Variants in GRIK2 observed in about 807,000 individuals in gnomAD.
GRIK2 encodes glutamate receptor ionotropic, kainate 2.
A neutral mutation model predicts 100.3 loss-of-function variants in GRIK2; 32 were observed. The ratio of observed to expected loss-of-function variants is 0.32; its 90% confidence interval spans 0.24 to 0.43. GRIK2 has a LOEUF of 0.43. Among genes scored for constraint, GRIK2 ranks in the 20% least tolerant of loss-of-function variants. The pLI is 1.00. For synonymous variants in GRIK2, 417 were observed against 389.4 expected, an observed-to-expected ratio of 1.07 and a Z score of -0.83; for missense variants, 843 against 1,114.9, an observed-to-expected ratio of 0.76 and a Z score of 3.47.
At chr6:102,015,902 G>T (rs1443800149) in intron 14 of GRIK2, among the ~76,000 whole-genome samples, 1 of 152,016 alleles carries the variant, frequency 6.6e-6, no homozygotes, top group Non-Finnish European at 1.5e-5. Flanking sequence ...CTGAGCCTTG[G>T]CACCCTTAAA....
At chr6:101,570,643 C>T (rs1296603823) in intron 2 of GRIK2, among the ~76,000 whole-genome samples, 2 of 152,096 alleles carry the variant, frequency 1.3e-5, no homozygotes, top group African/African-American at 4.8e-5. Flanking sequence ...TCGATAGAAC[C>T]ACTAATTTGA....
intron 12 of GRIK2, among the ~76,000 whole-genome samples, chr6:101,904,586 G>A (rs1354222081): frequency 6.6e-6 from 1 of 151,292 alleles, no homozygotes; most frequent in Non-Finnish European, 1.5e-5. Context: ...ATAATCATTG[G>A]ATACTTAAGA....
chr6:101,501,411 T>A (rs1272358148), intron 2 of GRIK2, among the ~76,000 whole-genome samples: 1 of 152,190 alleles, frequency 6.6e-6, no homozygotes, highest in African/African-American at 2.4e-5. Context: ...ATAGTAAACA[T>A]TTTTTTGTCA....
intron 12 of GRIK2, among the ~76,000 whole-genome samples, chr6:101,919,621 G>A (rs761033053): frequency 9.9e-5 from 15 of 151,814 alleles, no homozygotes; most frequent in Non-Finnish European, 1.8e-4. Context: ...CATCAGTATA[G>A]AAGTTAAAGT....
chr6:101,640,346 G>A (rs1781226491), intron 4 of GRIK2, among the ~76,000 whole-genome samples: 1 of 152,180 alleles, frequency 6.6e-6, no homozygotes, highest in African/African-American at 2.4e-5. Flanking sequence ...CTGTGGCCAA[G>A]AGGATTGCTT....
chr6:101,745,775 A>T (rs1002944476), intron 7 of GRIK2, among the ~76,000 whole-genome samples: 2 of 152,134 alleles, frequency 1.3e-5, no homozygotes, highest in African/African-American at 4.8e-5. Flanking sequence ...CCTCATCAGG[A>T]TCATTTAATA....
chr6:102,000,681 A>G (rs1342442101), intron 14 of GRIK2, among the ~76,000 whole-genome samples: 1 of 152,062 alleles, frequency 6.6e-6, no homozygotes, highest in African/African-American at 2.4e-5. Context: ...GTTTTTTACA[A>G]TGTTGCCTTA....
At chr6:101,799,613 A>G in intron 7 of GRIK2, 35 bp from the exon 8 acceptor site, 1 of 1,573,718 alleles carries the variant, frequency 6.4e-7, no homozygotes, top group Non-Finnish European at 8.7e-7. Flanking sequence ...TACAAGTTAT[A>G]TTGACTATAA....
chr6:101,997,741 C>T (rs556345728), intron 14 of GRIK2, among the ~76,000 whole-genome samples: 1 of 151,854 alleles, frequency 6.6e-6, no homozygotes, highest in South Asian at 2.1e-4. Flanking sequence ...GTCTTAATTA[C>T]ATTCTATTGA....
intron 14 of GRIK2, among the ~76,000 whole-genome samples, chr6:101,938,352 T>A (rs911088560): frequency 1.3e-5 from 2 of 152,146 alleles, no homozygotes; most frequent in African/African-American, 4.8e-5. Context: ...CTGTTTATTT[T>A]ACATTCTTCC....
intron 10 of GRIK2, among the ~76,000 whole-genome samples, chr6:101,827,948 A>G (rs1782443759): frequency 6.6e-6 from 1 of 152,022 alleles, no homozygotes; most frequent in Non-Finnish European, 1.5e-5. Context: ...CAGCTACAGA[A>G]TCTTCCATCC....
At chr6:101,860,602 G>T (rs534467613) in intron 11 of GRIK2, among the ~76,000 whole-genome samples, 62 of 152,130 alleles carry the variant, frequency 4.1e-4, no homozygotes, top group Non-Finnish European at 6.5e-4. Context: ...GCCATTCAAT[G>T]GTCGTGGTCT....
chr6:101,590,193 A>G lies in GRIK2; in HGVS notation c.116-31756A>G, dbSNP rs555927460. Among the ~76,000 whole-genome samples the G allele has an allele frequency of 4.3e-4, 66 of 152,202 alleles. 1 individual carries two copies. The highest frequency in any genetic ancestry group is 1.6e-3 in the African/African-American group (65 of 41,560). On this transcript the variant is annotated intron_variant, in intron 2 of 16. Transcript: ENST00000369134. ...AGTTAATTCTGTGATGGACTGTACCAGTTATCTGCTTATGGCATCTCAGCT... is the reference window on the plus strand; with the variant it reads ...AGTTAATTCTGTGATGGACTGTACCGGTTATCTGCTTATGGCATCTCAGCT...
At chr6:101,541,377 CACACACACACACACACA>C (rs1775980892) in intron 2 of GRIK2, among the ~76,000 whole-genome samples, 2 of 145,340 alleles carry the variant, frequency 1.4e-5, no homozygotes, top group Middle Eastern at 3.5e-3. Flanking sequence ...CGCACACAAC[CACACACACACACACACA>C]CACACACACA....
chr6:101,726,408 T>C (rs1774869753), intron 7 of GRIK2, among the ~76,000 whole-genome samples: 1 of 152,020 alleles, frequency 6.6e-6, no homozygotes, highest in Admixed American at 6.6e-5. Context: ...GAACTTAATA[T>C]ATAATGTCTT....
At chr6:101,543,849 T>C (rs1776113368) in intron 2 of GRIK2, among the ~76,000 whole-genome samples, 1 of 152,172 alleles carries the variant, frequency 6.6e-6, no homozygotes, top group Non-Finnish European at 1.5e-5. Context: ...ATCCAAACAA[T>C]AAATTGTCAA....
chr6:101,811,212 T>C (rs2128418586), intron 9 of GRIK2, among the ~76,000 whole-genome samples: 1 of 152,078 alleles, frequency 6.6e-6, no homozygotes, highest in East Asian at 1.9e-4. Flanking sequence ...GCTAAGACTG[T>C]TGGAAACCCA....
intron 12 of GRIK2, among the ~76,000 whole-genome samples, chr6:101,919,019 A>G (rs2791794): frequency 0.94 from 142,200 of 151,738 alleles, 66,669 homozygotes; most frequent in Middle Eastern, 0.97. Context: ...TTTTCACTTA[A>G]TAGAAACAGC....
intron 10 of GRIK2, among the ~76,000 whole-genome samples, chr6:101,841,716 A>T (rs1783516849): frequency 6.6e-6 from 1 of 152,176 alleles, no homozygotes; most frequent in Non-Finnish European, 1.5e-5. Context: ...TCAGAAGAAT[A>T]CACTGTGGAA....
Sources: allele counts gnomAD v4.1 joint callset (sites outside exome capture counted in the v4.1 genomes callset), GRCh38; gene constraint gnomAD v4.1.1; transcripts MANE v1.5; gene names NCBI Gene and HGNC (gene_info 2026-07-23, HGNC 2026-07-21).